ANO3: variants seen among roughly 807,000 people sequenced by gnomAD.
ANO3 encodes the protein anoctamin 3.
A neutral mutation model predicts 144.8 loss-of-function variants in ANO3; 99 were observed. That is an observed-to-expected ratio of 0.68 (90% CI 0.58 to 0.81). ANO3 has a LOEUF of 0.81. Among genes scored for constraint, ANO3 ranks in the 30% least tolerant of loss-of-function variants. ANO3 has a pLI of 0.00. For missense variants in ANO3, 905 were observed against 1,202.2 expected (o/e 0.75, Z 3.66); for synonymous variants, 414 against 392.6 (o/e 1.05, Z -0.64).
In ANO3 at chr11:26,336,925, G is replaced by A. The variant is rs577155223; in HGVS notation, c.46+4604G>A. Among the ~76,000 whole-genome samples the A allele has an allele frequency of 2.0e-5, 3 of 152,268 alleles. No individual in the cohort carries two copies. The East Asian group carries it at 5.8e-4, about 29-fold the overall frequency. ...ACTGGGGGAGATATTTTAAGGTAAG[G>A]AGTTATACTTTTCTTAGGCTGGTAC... is the stretch of plus-strand genomic sequence containing the variant. On this transcript the variant is annotated intron_variant, in intron 1 of 26. Transcript: ENST00000256737.
chr11:26,425,206 T>G (rs1031033457), intron 1 of ANO3, among the ~76,000 whole-genome samples: 14 of 152,056 alleles, frequency 9.2e-5, no homozygotes, highest in African/African-American at 3.1e-4. Flanking sequence ...ACAATTAATA[T>G]AAAAATAAAC....
At chr11:26,328,846 T>A (rs1374557564), upstream of ANO3, among the ~76,000 whole-genome samples, 1 of 152,136 alleles carries the variant, frequency 6.6e-6, no homozygotes, top group African/African-American at 2.4e-5. Flanking sequence ...TGATAAAGTA[T>A]GAAAATGATA....
At chr11:26,386,396 C>T (rs1013010379) in intron 1 of ANO3, among the ~76,000 whole-genome samples, 2 of 152,052 alleles carry the variant, frequency 1.3e-5, no homozygotes, top group Non-Finnish European at 2.9e-5. Flanking sequence ...GTGGAAGTTT[C>T]AATGGAGGCT....
intron 4 of ANO3, among the ~76,000 whole-genome samples, chr11:26,495,714 T>C (rs1860908539): frequency 6.6e-6 from 1 of 152,200 alleles, no homozygotes; most frequent in South Asian, 2.1e-4. Flanking sequence ...TTCTGGGTCA[T>C]GGAAAGTAAT....
intron 14 of ANO3, among the ~76,000 whole-genome samples, chr11:26,596,623 G>C (rs1375980509): frequency 6.6e-6 from 1 of 152,146 alleles, no homozygotes; most frequent in African/African-American, 2.4e-5. Flanking sequence ...GATACAACCT[G>C]CTCTAATACT....
chr11:26,291,476 G>A (rs1243898035), intron 1 of ANO3, among the ~76,000 whole-genome samples: 4 of 152,112 alleles, frequency 2.6e-5, no homozygotes, highest in Admixed American at 1.3e-4. Context: ...TATTTTGTTT[G>A]TTAGTTGATG....
At chr11:26,302,469 T>G (rs1021558328) in intron 1 of ANO3, among the ~76,000 whole-genome samples, 1 of 152,086 alleles carries the variant, frequency 6.6e-6, no homozygotes, top group Non-Finnish European at 1.5e-5. Context: ...CACTTCAGCC[T>G]GGCAACAGAG....
chr11:26,217,787 G>GT (rs1852063682), intron 1 of ANO3, among the ~76,000 whole-genome samples: 1 of 151,722 alleles, frequency 6.6e-6, no homozygotes, highest in Non-Finnish European at 1.5e-5. Flanking sequence ...ATTTAAACAT[G>GT]TTAAATTTAA....
chr11:26,307,374 T>A (rs1339691339), upstream of ANO3, among the ~76,000 whole-genome samples: 1 of 148,342 alleles, frequency 6.7e-6, no homozygotes, highest in Non-Finnish European at 1.5e-5. Context: ...AAGTAAAGGG[T>A]CTCTTTTTTA....
chr11:26,276,778 C>A (rs997413183), intron 1 of ANO3, among the ~76,000 whole-genome samples: 3 of 152,096 alleles, frequency 2.0e-5, no homozygotes, highest in Non-Finnish European at 2.9e-5. Context: ...TCATCTCCAT[C>A]AAAATGATAT....
chr11:26,639,448 C>T (rs1164226011), intron 21 of ANO3, among the ~76,000 whole-genome samples: 1 of 152,120 alleles, frequency 6.6e-6, no homozygotes, highest in Non-Finnish European at 1.5e-5. Flanking sequence ...AATATATCTA[C>T]CTCAAGAACA....
At chr11:26,295,480 G>GCGCC (rs1049918099) in intron 1 of ANO3, among the ~76,000 whole-genome samples, 5 of 139,638 alleles carry the variant, frequency 3.6e-5, no homozygotes, top group Admixed American at 7.5e-5. Context: ...AGCTGAGATA[G>GCGCC]CGCCCAGCCT....
intron 11 of ANO3, among the ~76,000 whole-genome samples, chr11:26,545,991 C>T (rs1489061992): frequency 6.6e-6 from 1 of 151,870 alleles, no homozygotes; most frequent in Non-Finnish European, 1.5e-5. Context: ...TAACCTTCAA[C>T]AATGTGTAAT....
At chr11:26,347,614 T>C (rs1855529013) in intron 1 of ANO3, among the ~76,000 whole-genome samples, 1 of 152,142 alleles carries the variant, frequency 6.6e-6, no homozygotes, top group African/African-American at 2.4e-5. Flanking sequence ...ATCACTTCTT[T>C]CCTTTACACT....
intron 17 of ANO3, among the ~76,000 whole-genome samples, chr11:26,605,431 C>A (rs1249459578): frequency 6.6e-6 from 1 of 152,058 alleles, no homozygotes; most frequent in Non-Finnish European, 1.5e-5. Flanking sequence ...CAGGATGATT[C>A]TGGCCTCATA....
intron 3 of ANO3, among the ~76,000 whole-genome samples, chr11:26,444,759 T>C (rs1590364531): frequency 1.3e-5 from 2 of 152,210 alleles, no homozygotes; most frequent in East Asian, 3.9e-4. Flanking sequence ...CGTCATAACT[T>C]TTAAAACTAT....
At chr11:26,633,838 G>A (rs1852861755) in intron 18 of ANO3, among the ~76,000 whole-genome samples, 2 of 152,096 alleles carry the variant, frequency 1.3e-5, no homozygotes, top group South Asian at 2.1e-4. Flanking sequence ...CATTTTGGGA[G>A]GCCGAGGCCA....
intron 1 of ANO3, among the ~76,000 whole-genome samples, chr11:26,233,865 T>A (rs1246370685): frequency 6.6e-6 from 1 of 152,096 alleles, no homozygotes; most frequent in Non-Finnish European, 1.5e-5. Context: ...CACTGCATGT[T>A]CTCACTCATA....
chr11:26,536,891 C>T (rs938712668), intron 9 of ANO3, among the ~76,000 whole-genome samples: 7 of 152,200 alleles, frequency 4.6e-5, no homozygotes, highest in East Asian at 3.9e-4. Flanking sequence ...GTGTCCATTT[C>T]ACTCTACCCT....
Sources: allele counts gnomAD v4.1 joint callset (sites outside exome capture counted in the v4.1 genomes callset), GRCh38; gene constraint gnomAD v4.1.1; transcripts MANE v1.5; gene names NCBI Gene and HGNC (gene_info 2026-07-23, HGNC 2026-07-21).